SHROOM1: variants seen among roughly 807,000 people sequenced by gnomAD.
SHROOM1 encodes shroom family member 1.
Under a neutral mutation model 64.2 loss-of-function variants are expected in SHROOM1, and 53 were observed. That is an observed-to-expected ratio of 0.83 (90% CI 0.66 to 1.04). The LOEUF is 1.04. SHROOM1 is among the 50% of genes least tolerant of loss of function. The pLI, the probability that SHROOM1 is intolerant of heterozygous loss-of-function variation, is 0.00. For synonymous variants in SHROOM1, 490 were observed against 518.9 expected (o/e 0.94, Z 0.76); for missense variants, 1,179 against 1,163.2 (o/e 1.01, Z -0.20).
intron 1 of SHROOM1, among the ~76,000 whole-genome samples, chr5:132,829,271 C>T (rs1275860532): frequency 6.6e-6 from 1 of 152,172 alleles, no homozygotes; most frequent in Non-Finnish European, 1.5e-5. Context: ...GCCTTCAAAG[C>T]TAGGGGTCTG....
rs1042589795 is a variant in SHROOM1 at position 132,825,206 on chromosome 5, A to C, written c.935T>G (p.Leu312Trp). 6.2e-7 allele frequency: 1 copy of C among 1,613,980 alleles called. No homozygotes were observed. Among genetic ancestry groups the C allele is most frequent in the South Asian group, 1.1e-5 (1 of 91,086 alleles). ...SRSRSASGEV[L>W]GSWGGSGGTI... is the part of the protein sequence containing the mutation. ...CCCTCCTGATCCTCCCCAGGAACCC[A>C]AGACTTCGCCTGAAGCGCTCCGACT... Residue 312 changes from leucine to tryptophan, a missense_variant, in exon 4 of 10, where the codon TTG (leucine) becomes TGG (tryptophan). Transcript: ENST00000378679. The surrounding 1 kb of genome is among the most constrained non-coding windows in gnomAD (Gnocchi z 5.1).
chr5:132,826,175 C>G lies in SHROOM1; in HGVS notation c.-35G>C. On this transcript the variant is annotated 5_prime_UTR_variant, in exon 4 of 10. Coordinates refer to ENST00000378679, the MANE Select transcript of SHROOM1 (RefSeq NM_001172700.2). ...GATGAGTGCTGAGGCTGGGTGGCTGCGTGGGTCCTGGGAAAACACAGATGT... is the reference window on the plus strand; with the variant it reads ...GATGAGTGCTGAGGCTGGGTGGCTGGGTGGGTCCTGGGAAAACACAGATGT... The G allele has an allele frequency of 1.5e-6, 2 of 1,304,146 alleles. No homozygotes were observed. The allele number at this position is 1,304,146 out of a possible 1,614,324, so 80.8% of individuals were successfully genotyped here. A position where few individuals can be genotyped will look rare whatever the true frequency, so the allele number is the denominator to read the frequency against.
In SHROOM1 at chr5:132,825,498, C is replaced by T. The variant is rs763605528; in HGVS notation, c.643G>A (p.Ala215Thr). 41 of 1,504,658 alleles carry T rather than the reference C, an allele frequency of 2.7e-5. No individual in the cohort carries two copies. The highest frequency in any genetic ancestry group is 3.6e-5 in the Non-Finnish European group (41 of 1,132,670). The allele number at this position is 1,504,658 out of a possible 1,614,324, so 93.2% of individuals were successfully genotyped here. The change falls in exon 4 of 10, where the codon GCC (alanine) becomes ACC (threonine). Residue 215 changes from alanine to threonine, a missense_variant. Coordinates refer to ENST00000378679, the MANE Select transcript of SHROOM1 (RefSeq NM_001172700.2). This position sits in a 1 kb window ranked among gnomAD's most constrained non-coding sequence, Gnocchi z 5.1. ...APGTAGRGPL[A>T]NQQRKWCFSE... is the part of the protein sequence containing the mutation. ...AAGCACCACTTCCGCTGCTGGTTGG[C>T]GAGGGGACCCCGGCCGGCAGTTCCT...
In SHROOM1 at chr5:132,825,388, G is replaced by A; in HGVS notation, c.753C>T (p.Gly251=). ...ECLGEACSSS[G]LPGPEPLEFQ... is the part of the protein sequence containing the mutation. The stretch of plus-strand genomic sequence containing the variant: ...ACTCCAAGGGCTCGGGCCCAGGGAG[G>A]CCAGAGCTGGAGCAGGCCTCACCCA... The change falls in exon 4 of 10, where the codon GGC becomes GGT. Residue 251 remains glycine, a synonymous_variant. Transcript: ENST00000378679. This position sits in a 1 kb window ranked among gnomAD's most constrained non-coding sequence, Gnocchi z 5.1. 6.3e-7 allele frequency: 1 copy of A among 1,596,854 alleles called. No individual in the cohort carries two copies. Among genetic ancestry groups the A allele is most frequent in the South Asian group, 1.1e-5 (1 of 90,462 alleles).
chr5:132,829,625 T>C (rs1409109216), intron 1 of SHROOM1: 2 of 985,334 alleles, frequency 2.0e-6, no homozygotes, highest in Admixed American at 6.1e-5. Flanking sequence ...ACCTCACATC[T>C]GACCTCTCTG....
Position 132,826,414 on chromosome 5 carries a change from G to T in SHROOM1, c.-180C>A. On this transcript the variant is annotated 5_prime_UTR_variant, in exon 3 of 10. Coordinates refer to ENST00000378679, the MANE Select transcript of SHROOM1 (RefSeq NM_001172700.2). Reference sequence around the variant, plus strand: ...CTGAAGGTTGAGGGCCCAGCTCAGGGGAAGGAATTGGGACCAGCTCATTCC... The same window carrying T: ...CTGAAGGTTGAGGGCCCAGCTCAGGTGAAGGAATTGGGACCAGCTCATTCC... 1 of 541,046 alleles carries T rather than the reference G, an allele frequency of 1.8e-6. No individual in the cohort carries two copies. The highest frequency in any genetic ancestry group is 2.8e-6 in the Non-Finnish European group (1 of 362,854). The allele number at this position is 541,046 out of a possible 1,614,324, so 33.5% of individuals were successfully genotyped here.
chr5:132,828,269 T>C (rs1758762634), intron 1 of SHROOM1, among the ~76,000 whole-genome samples: 2 of 152,160 alleles, frequency 1.3e-5, no homozygotes, highest in Non-Finnish European at 2.9e-5. Flanking sequence ...GGAAAGGCAG[T>C]ACCTACAACA....
Position 132,824,417 on chromosome 5 carries a change from A to C in SHROOM1, c.1244T>G (p.Val415Gly). ...PHASQGPPASVHASDQPYGTG... is the reference protein window; with the variant it reads ...PHASQGPPASGHASDQPYGTG... ...TCCATACGGCTGGTCAGAGGCATGG[A>C]CACTGGAAGCAGAAAAGACACTGAA... Residue 415 changes from valine to glycine, a missense_variant and splice_region_variant, in exon 7 of 10, where the codon GTC becomes GGC. By Grantham distance (109) the Val-to-Gly change is moderately radical. Coordinates refer to ENST00000378679, the MANE Select transcript of SHROOM1 (RefSeq NM_001172700.2). 1 of 1,530,556 alleles carries C rather than the reference A, an allele frequency of 6.5e-7. No homozygotes were observed. Among genetic ancestry groups the C allele is most frequent in the South Asian group, 1.3e-5 (1 of 76,470 alleles). 94.8% of individuals were successfully genotyped at this position (1,530,556 alleles called of 1,614,324 possible). A position where few individuals can be genotyped will look rare whatever the true frequency, so the allele number is the denominator to read the frequency against.
In SHROOM1 at chr5:132,830,079, G is replaced by T; in HGVS notation, c.-501+515C>A. The T allele has an allele frequency of 1.0e-6, 1 of 985,374 alleles. No individual in the cohort carries two copies. The highest frequency in any genetic ancestry group is 1.2e-6 in the Non-Finnish European group (1 of 829,906). 61.0% of individuals were successfully genotyped at this position (985,374 alleles called of 1,614,324 possible). On this transcript the variant is annotated intron_variant, in intron 1 of 9. Transcript: ENST00000378679. The surrounding 1 kb of genome is among the most constrained non-coding windows in gnomAD (Gnocchi z 5.9). ...AGGCACGGGAGGGAGAGAGGCGCAG[G>T]CCCCGGCGGCCGCAGGGGGCGGCAG...
In SHROOM1 at chr5:132,823,132, G is replaced by T; in HGVS notation, c.2227-4C>A. ...GGAGTCGCTGCAGCAGGGAGGCCTTGAGCCGCAGGAAGAGGCGCCGTGAGC... is the reference window on the plus strand; with the variant it reads ...GGAGTCGCTGCAGCAGGGAGGCCTTTAGCCGCAGGAAGAGGCGCCGTGAGC... On this transcript the variant is annotated splice_region_variant and splice_polypyrimidine_tract_variant and intron_variant, in intron 9 of 9. Transcript: ENST00000378679. This position sits in a 1 kb window ranked among gnomAD's most constrained non-coding sequence, Gnocchi z 4.6. 6.4e-7 allele frequency: 1 copy of T among 1,552,216 alleles called. No homozygotes were observed. The highest frequency in any genetic ancestry group is 8.6e-7 in the Non-Finnish European group (1 of 1,157,058).
rs751609580 is a variant in SHROOM1 at position 132,823,817 on chromosome 5, C to A, written c.1811+33G>T. 10 of 1,529,254 alleles carry A rather than the reference C, an allele frequency of 6.5e-6. No homozygotes were observed. The allele number at this position is 1,529,254 out of a possible 1,614,324, so 94.7% of individuals were successfully genotyped here. A position where few individuals can be genotyped will look rare whatever the true frequency, so the allele number is the denominator to read the frequency against. Reference sequence around the variant, plus strand: ...TTTCCTGTCCCCAACTTCAGGGGCTCAGTGTCCAGATTCCCTAGTACACCT... The same window carrying A: ...TTTCCTGTCCCCAACTTCAGGGGCTAAGTGTCCAGATTCCCTAGTACACCT... On this transcript the variant is annotated intron_variant, in intron 7 of 9. Coordinates refer to ENST00000378679, the MANE Select transcript of SHROOM1 (RefSeq NM_001172700.2). The surrounding 1 kb of genome is among the most constrained non-coding windows in gnomAD (Gnocchi z 4.6).
intron 1 of SHROOM1, among the ~76,000 whole-genome samples, chr5:132,828,035 T>C (rs900373444): frequency 3.9e-5 from 6 of 152,062 alleles, no homozygotes; most frequent in Admixed American, 6.5e-5. Flanking sequence ...ATGGAGACTT[T>C]TGGGCGCTGG....
In SHROOM1 at chr5:132,822,760, G is replaced by A. The variant is rs373411521; in HGVS notation, c.*36C>T. On this transcript the variant is annotated 3_prime_UTR_variant, in exon 10 of 10. Coordinates refer to ENST00000378679, the MANE Select transcript of SHROOM1 (RefSeq NM_001172700.2). ...CATCACCCCACTTACGTGGGTGAGA[G>A]ATAGGGGCGGTGCACCCCACCCTCT... 3 of 1,529,708 alleles carry A rather than the reference G, an allele frequency of 2.0e-6. No homozygotes were observed. In the African/African-American group the frequency reaches 4.1e-5, roughly 21 times the overall value. The allele number at this position is 1,529,708 out of a possible 1,614,324, so 94.8% of individuals were successfully genotyped here. A position where few individuals can be genotyped will look rare whatever the true frequency, so the allele number is the denominator to read the frequency against.
rs377295195 is a variant in SHROOM1 at position 132,829,248 on chromosome 5, G to A, written c.-501+1346C>T. 8.5e-5 allele frequency among the ~76,000 whole-genome samples: 13 copies of A among 152,108 alleles called. No individual in the cohort carries two copies. In the East Asian group the frequency reaches 1.2e-3, roughly 14 times the overall value. On this transcript the variant is annotated intron_variant, in intron 1 of 9. Coordinates refer to ENST00000378679, the MANE Select transcript of SHROOM1 (RefSeq NM_001172700.2). ...TGAAGGAGCCAGAGAGGAAGGAGAC[G>A]AAGATGAGATTGGCCTTCAAAGCTA...
At position 132,827,302 on chromosome 5, in the gene SHROOM1, A is replaced by G. The variant is rs181786920; in HGVS notation, c.-354+159T>C. Among the ~76,000 whole-genome samples, 704 of 152,286 alleles carry G rather than the reference A, an allele frequency of 4.6e-3. 14 individuals carry two copies. Among genetic ancestry groups the G allele is most frequent in the Non-Finnish European group, 1.4e-3 (94 of 68,026 alleles). On this transcript the variant is annotated intron_variant, in intron 2 of 9. Transcript: ENST00000378679. ...TTGCTGCACTCTCAGTGCCCAGCAGAGTCCCTGGCATACAGTCAATGTTAA... is the reference window on the plus strand; with the variant it reads ...TTGCTGCACTCTCAGTGCCCAGCAGGGTCCCTGGCATACAGTCAATGTTAA...
rs1369747297 is a variant in SHROOM1, at chr5:132,825,627, G to A, written c.514C>T (p.Arg172Trp). ...GGGGGCCGCGCTGGGACAGTGGGCCGCAGACGGGCGGGCAGGCTCATGCGG... is the reference window on the plus strand; with the variant it reads ...GGGGGCCGCGCTGGGACAGTGGGCCACAGACGGGCGGGCAGGCTCATGCGG... ...ELRMSLPARL[R>W]PTVPARPPAT... is the part of the protein sequence containing the mutation. Residue 172 changes from arginine (R) to tryptophan (W), a missense_variant, in exon 4 of 10, where the codon CGG becomes TGG. Physicochemically the swap from Arg to Trp is moderately radical, Grantham distance 101. Coordinates refer to ENST00000378679, the MANE Select transcript of SHROOM1 (RefSeq NM_001172700.2). This position sits in a 1 kb window ranked among gnomAD's most constrained non-coding sequence, Gnocchi z 5.1. 1 of 1,346,176 alleles carries A rather than the reference G, an allele frequency of 7.4e-7. No individual in the cohort carries two copies. The highest frequency in any genetic ancestry group is 9.5e-7 in the Non-Finnish European group (1 of 1,055,840). 83.4% of individuals were successfully genotyped at this position (1,346,176 alleles called of 1,614,324 possible).
At position 132,826,102 on chromosome 5, in the gene SHROOM1, C is replaced by T. The variant is rs1316270792; in HGVS notation, c.39G>A (p.Pro13=). 1 of 1,388,826 alleles carries T rather than the reference C, an allele frequency of 7.2e-7. No individual in the cohort carries two copies. Among genetic ancestry groups the T allele is most frequent in the South Asian group, 1.7e-5 (1 of 58,604 alleles). The allele number at this position is 1,388,826 out of a possible 1,614,324, so 86.0% of individuals were successfully genotyped here. A position where few individuals can be genotyped will look rare whatever the true frequency, so the allele number is the denominator to read the frequency against. Residue 13 remains proline (P), a synonymous_variant, in exon 4 of 10, where the codon CCG becomes CCA. Transcript: ENST00000378679. The part of the protein sequence containing the change: ...ALGPGGDRAS[P]ASSTSSLDLW... The stretch of plus-strand genomic sequence containing the variant: ...GGTCCAGGCTGCTAGTGGACGAGGC[C>T]GGGGAGGCGCGGTCGCCCCCAGGTC...
chr5:132,823,159 G>T lies in SHROOM1; in HGVS notation c.2227-31C>A. On this transcript the variant is annotated intron_variant, in intron 9 of 9. Transcript: ENST00000378679. The surrounding 1 kb of genome is among the most constrained non-coding windows in gnomAD (Gnocchi z 4.6). ...GCCGCAGGAAGAGGCGCCGTGAGCC[G>T]GGTGAGGGCGCCGCCGCTCCCGGAA... 1.3e-6 allele frequency: 2 copies of T among 1,543,050 alleles called. No individual in the cohort carries two copies. Among genetic ancestry groups the T allele is most frequent in the Non-Finnish European group, 1.7e-6 (2 of 1,153,876 alleles).
intron 1 of SHROOM1, among the ~76,000 whole-genome samples, chr5:132,829,001 G>A (rs1274521410): frequency 3.3e-5 from 5 of 152,230 alleles, no homozygotes; most frequent in Non-Finnish European, 5.9e-5. Flanking sequence ...CTACCTTAGG[G>A]GTCCCTGCCT....
Sources: gnomAD v4.1 joint callset for allele counts (sites outside exome capture counted in the v4.1 genomes callset) on GRCh38, gnomAD v4.1.1 for gene constraint, Gnocchi (gnomAD v3.1) non-coding constraint, MANE v1.5 for transcripts, NCBI Gene and HGNC (gene_info 2026-07-23, HGNC 2026-07-21) for gene names.